Variants in ZBTB20 observed in about 807,000 individuals in gnomAD.
The protein encoded by ZBTB20 is zinc finger and BTB domain-containing protein 20.
Under a neutral mutation model 56.9 loss-of-function variants are expected in ZBTB20, and 9 were observed. The ratio of observed to expected loss-of-function variants is 0.16; its 90% CI spans 0.10 to 0.28. The LOEUF (loss-of-function observed/expected upper bound fraction) is 0.28, where lower values mean the gene tolerates loss of function less well. ZBTB20 is among the 10% of genes least tolerant of loss of function. ZBTB20 has a pLI of 1.00. For synonymous variants in ZBTB20, 417 were observed against 420.7 expected (o/e 0.99, Z 0.11); for missense variants, 655 against 1,003.0 (o/e 0.65, Z 4.69).
intron 6 of ZBTB20, among the ~76,000 whole-genome samples, chr3:114,606,763 A>G (rs1182739487): frequency 2.0e-5 from 3 of 152,136 alleles, no homozygotes; most frequent in African/African-American, 7.2e-5. Flanking sequence ...ATAGCTTTAT[A>G]GCAACTGCAA....
chr3:114,706,383 A>G (rs2108407914), intron 5 of ZBTB20, among the ~76,000 whole-genome samples: 1 of 152,270 alleles, frequency 6.6e-6, no homozygotes, highest in African/African-American at 2.4e-5. Context: ...GTAACAGAAG[A>G]TGTGAGGTAC....
At position 114,331,536 on chromosome 3, in the gene ZBTB20, G is replaced by A. The variant is rs1368254662; in HGVS notation, c.*7469C>T. 2.0e-5 allele frequency: 3 copies of A among 152,106 alleles called. No homozygotes were observed. Among genetic ancestry groups the A allele is most frequent in the African/African-American group, 2.4e-5 (1 of 41,420 alleles). 9.4% of individuals were successfully genotyped at this position (152,106 alleles called of 1,614,324 possible). ...TCTGCCTGTGTGTGCTTCCTTTGGG[G>A]GGCACACACACTTCCAGATGACAAT... On this transcript the variant is annotated 3_prime_UTR_variant, in exon 12 of 12. Coordinates refer to ENST00000675478, the MANE Select transcript of ZBTB20 (RefSeq NM_001348800.3).
intron 3 of ZBTB20, among the ~76,000 whole-genome samples, chr3:114,901,142 C>G (rs768128859): frequency 1.3e-5 from 2 of 152,042 alleles, no homozygotes; most frequent in African/African-American, 4.8e-5. Context: ...TGGTGGCTCA[C>G]GCCTGTAATC....
At chr3:114,563,401 G>A (rs1029298863) in intron 6 of ZBTB20, among the ~76,000 whole-genome samples, 32 of 152,032 alleles carry the variant, frequency 2.1e-4, no homozygotes, top group Non-Finnish European at 3.1e-4. Context: ...ATTAATCTTC[G>A]GTAAAAATTT....
chr3:114,663,456 G>C (rs1264283147), intron 6 of ZBTB20, among the ~76,000 whole-genome samples: 1 of 147,952 alleles, frequency 6.8e-6, no homozygotes, highest in Non-Finnish European at 1.5e-5. Context: ...AAAGACCATC[G>C]AGACTAGGAA....
At chr3:114,406,593 C>A (rs1027190856) in intron 7 of ZBTB20, among the ~76,000 whole-genome samples, 4 of 152,004 alleles carry the variant, frequency 2.6e-5, no homozygotes, top group African/African-American at 9.7e-5. Context: ...CATTATATAA[C>A]TAAGATCAAT....
At chr3:114,428,375 T>C (rs1001760322) in intron 7 of ZBTB20, among the ~76,000 whole-genome samples, 1 of 152,194 alleles carries the variant, frequency 6.6e-6, no homozygotes, top group South Asian at 2.1e-4. Flanking sequence ...ACTATGTCAT[T>C]AATACCAAGC....
intron 6 of ZBTB20, among the ~76,000 whole-genome samples, chr3:114,506,770 C>T (rs554384399): frequency 1.3e-5 from 2 of 152,278 alleles, no homozygotes; most frequent in South Asian, 2.1e-4. Context: ...TGCTTAAGAG[C>T]CTCCAAGACC....
chr3:115,092,202 C>T (rs1432966580), intron 1 of ZBTB20, among the ~76,000 whole-genome samples: 1 of 152,114 alleles, frequency 6.6e-6, no homozygotes, highest in Non-Finnish European at 1.5e-5. Context: ...ACAGCTACTA[C>T]GAAATCAGGG....
At chr3:114,748,352 T>TATTTTC (rs374192570) in intron 5 of ZBTB20, among the ~76,000 whole-genome samples, 1 of 48,578 alleles carries the variant, frequency 2.1e-5, no homozygotes. Context: ...TTTCTTTCTT[T>TATTTTC]TCTCTCTCTC....
intron 7 of ZBTB20, among the ~76,000 whole-genome samples, chr3:114,406,391 G>A (rs1202557379): frequency 1.3e-5 from 2 of 152,082 alleles, no homozygotes; most frequent in Non-Finnish European, 2.9e-5. Flanking sequence ...CAATACATCT[G>A]GAGAATAGAA....
intron 7 of ZBTB20, among the ~76,000 whole-genome samples, chr3:114,459,829 G>GAA (rs1019493534): frequency 6.6e-6 from 1 of 152,024 alleles, no homozygotes; most frequent in Admixed American, 6.6e-5. Context: ...GAAGTACTTA[G>GAA]AAAACATGTT....
chr3:114,450,081 A>G (rs950674554), intron 7 of ZBTB20, among the ~76,000 whole-genome samples: 1 of 152,172 alleles, frequency 6.6e-6, no homozygotes, highest in African/African-American at 2.4e-5. Context: ...TGATATTTAG[A>G]AAGGTGTCCA....
intron 5 of ZBTB20, among the ~76,000 whole-genome samples, chr3:114,752,092 T>C (rs1343074385): frequency 6.6e-6 from 1 of 152,214 alleles, no homozygotes; most frequent in East Asian, 1.9e-4. Context: ...TTACATGTAT[T>C]ATCTTATTAA....
At chr3:114,489,268 A>G (rs540390027) in intron 7 of ZBTB20, among the ~76,000 whole-genome samples, 368 of 152,282 alleles carry the variant, frequency 2.4e-3, no homozygotes, top group Non-Finnish European at 4.2e-3. Flanking sequence ...GTCATTAGCA[A>G]TTACTAACTA....
At chr3:114,695,033 A>G (rs2062920533) in intron 5 of ZBTB20, among the ~76,000 whole-genome samples, 2 of 152,086 alleles carry the variant, frequency 1.3e-5, no homozygotes, top group Admixed American at 6.6e-5. Flanking sequence ...GAGTTCACTG[A>G]AACACGGAAA....
chr3:115,084,159 A>T (rs574477420), intron 1 of ZBTB20, among the ~76,000 whole-genome samples: 5 of 151,832 alleles, frequency 3.3e-5, no homozygotes, highest in Non-Finnish European at 5.9e-5. Flanking sequence ...CAATTTACAA[A>T]TTAAAATTAT....
At chr3:114,823,996 C>T (rs1219311880) in intron 4 of ZBTB20, among the ~76,000 whole-genome samples, 4 of 151,984 alleles carry the variant, frequency 2.6e-5, no homozygotes, top group South Asian at 2.1e-4. Context: ...TAAAATAAGC[C>T]CACTTGATTC....
At chr3:114,967,019 T>C (rs1286868736) in intron 3 of ZBTB20, among the ~76,000 whole-genome samples, 1 of 152,142 alleles carries the variant, frequency 6.6e-6, no homozygotes, top group African/African-American at 2.4e-5. Context: ...ATCACGCTAG[T>C]TTTAACCTAG....
Sources: gnomAD v4.1 joint callset for allele counts (sites outside exome capture counted in the v4.1 genomes callset) on GRCh38, gnomAD v4.1.1 for gene constraint, MANE v1.5 for transcripts, NCBI Gene and HGNC (gene_info 2026-07-23, HGNC 2026-07-21) for gene names.